The following DKK2 variants were observed in gnomAD, a reference collection of about 807,000 sequenced individuals.
DKK2 encodes dickkopf-related protein 2.
Under a neutral mutation model 28.1 loss-of-function variants are expected in DKK2, and 11 were observed. That is an observed-to-expected ratio of 0.39 (90% confidence interval 0.25 to 0.65). The LOEUF (loss-of-function observed/expected upper bound fraction) is 0.65, where lower values mean the gene tolerates loss of function less well. Ranked by LOEUF, DKK2 falls within the 30% of genes least tolerant of loss-of-function variation. The probability of loss-of-function intolerance (pLI) is 0.47; values close to 1 mark genes in which losing one functional copy is unlikely to be tolerated. For synonymous variants in DKK2, 135 were observed against 126.5 expected, an observed-to-expected ratio of 1.07 and a Z score of -0.45; for missense variants, 326 against 335.5, an observed-to-expected ratio of 0.97 and a Z score of 0.22.
intron 1 of DKK2, among the ~76,000 whole-genome samples, chr4:106,943,182 T>C (rs928063935): frequency 6.6e-5 from 10 of 152,134 alleles, no homozygotes; most frequent in Admixed American, 1.3e-4. Flanking sequence ...AAGCTTGATG[T>C]TCCATTTAAC....
intron 1 of DKK2, among the ~76,000 whole-genome samples, chr4:106,951,728 T>C (rs929313676): frequency 6.6e-6 from 1 of 152,154 alleles, no homozygotes; most frequent in Non-Finnish European, 1.5e-5. Context: ...AACTCTAACA[T>C]TTTATTTTTT....
intron 1 of DKK2, among the ~76,000 whole-genome samples, chr4:107,000,051 G>A (rs1723337376): frequency 1.3e-5 from 2 of 152,102 alleles, no homozygotes; most frequent in Admixed American, 1.3e-4. Context: ...GTAATGGGGT[G>A]ATAAAATAGA....
At chr4:106,954,317 T>C (rs1027386877) in intron 1 of DKK2, among the ~76,000 whole-genome samples, 1 of 152,194 alleles carries the variant, frequency 6.6e-6, no homozygotes. Context: ...TTGCTTCAGG[T>C]TCATTTTACC....
intron 1 of DKK2, among the ~76,000 whole-genome samples, chr4:106,938,759 C>G (rs574576198): frequency 2.2e-3 from 332 of 152,016 alleles, no homozygotes; most frequent in Middle Eastern, 0.01. Flanking sequence ...AAAGCTTATT[C>G]ACCATGATCA....
Position 107,023,859 on chromosome 4 carries a change from A to G in DKK2, c.222+11511T>C, listed in dbSNP as rs915082406. Among the ~76,000 whole-genome samples, 5 of 152,074 alleles carry G rather than the reference A, an allele frequency of 3.3e-5. No homozygotes were observed. The South Asian group carries it at 8.3e-4, about 25-fold the overall frequency. On this transcript the variant is annotated intron_variant, in intron 1 of 3. Transcript: ENST00000285311. ...GAATCACACTAGTTCTCTGAACACA[A>G]ATTTTGCCCTTATATTATTATATGT... is the stretch of plus-strand genomic sequence containing the variant.
At chr4:107,021,655 C>T (rs1723694519) in intron 1 of DKK2, among the ~76,000 whole-genome samples, 1 of 152,044 alleles carries the variant, frequency 6.6e-6, no homozygotes, top group Non-Finnish European at 1.5e-5. Flanking sequence ...CTTCTACTTC[C>T]CTGTGAGCCT....
intron 1 of DKK2, among the ~76,000 whole-genome samples, chr4:106,982,885 A>AG (rs1047302761): frequency 2.6e-4 from 40 of 151,136 alleles, no homozygotes; most frequent in African/African-American, 8.3e-4. Context: ...AAAAAAAAAA[A>AG]TCAATGGAGA....
At chr4:106,951,278 CA>C (rs1724854758) in intron 1 of DKK2, among the ~76,000 whole-genome samples, 1 of 151,874 alleles carries the variant, frequency 6.6e-6, no homozygotes, top group South Asian at 2.1e-4. Context: ...GAAGATTTCT[CA>C]AAAAACAACA....
intron 1 of DKK2, among the ~76,000 whole-genome samples, chr4:106,964,975 A>G (rs1722748019): frequency 6.9e-6 from 1 of 145,176 alleles, no homozygotes; most frequent in African/African-American, 2.5e-5. Context: ...ATAGATAGAT[A>G]GATAGATAGA....
chr4:106,954,526 CT>C lies in DKK2; in HGVS notation c.223-28578del, dbSNP rs913312348. Among the ~76,000 whole-genome samples the C allele has an allele frequency of 3.3e-5, 5 of 151,796 alleles. No homozygotes were observed. In the East Asian group the frequency reaches 9.7e-4, roughly 29 times the overall value. ...GATTTTAGAAATGTTCTTTTCTTTTCTTTTTTTTGTTTTGAGACGGAGTCTC... is the reference window on the plus strand; with the variant it reads ...GATTTTAGAAATGTTCTTTTCTTTTCTTTTTTTGTTTTGAGACGGAGTCTC... On this transcript the variant is annotated intron_variant, in intron 1 of 3. Coordinates refer to ENST00000285311, the MANE Select transcript of DKK2 (RefSeq NM_014421.3).
intron 1 of DKK2, among the ~76,000 whole-genome samples, chr4:107,034,455 A>G (rs1723929920): frequency 6.6e-6 from 1 of 152,096 alleles, no homozygotes; most frequent in East Asian, 1.9e-4. Context: ...GCCAGCCACA[A>G]CTGGTACCGA....
chr4:107,020,678 G>T (rs1320406772), intron 1 of DKK2, among the ~76,000 whole-genome samples: 1 of 152,044 alleles, frequency 6.6e-6, no homozygotes, highest in African/African-American at 2.4e-5. Context: ...ATCAAGCCAT[G>T]CACAGAAAGA....
chr4:106,927,681 A>G (rs1578344689), intron 1 of DKK2, among the ~76,000 whole-genome samples: 2 of 151,940 alleles, frequency 1.3e-5, no homozygotes, highest in African/African-American at 2.4e-5. Flanking sequence ...TGATGAAAAC[A>G]AAACAAATAT....
chr4:106,928,675 C>A (rs1724457836), intron 1 of DKK2, among the ~76,000 whole-genome samples: 1 of 152,074 alleles, frequency 6.6e-6, no homozygotes, highest in Non-Finnish European at 1.5e-5. Flanking sequence ...CAGATTTTTT[C>A]AACCGTAAAG....
At chr4:107,019,614 G>A (rs1723662913) in intron 1 of DKK2, among the ~76,000 whole-genome samples, 1 of 151,998 alleles carries the variant, frequency 6.6e-6, no homozygotes, top group African/African-American at 2.4e-5. Flanking sequence ...TACTAGAGTA[G>A]TATACTGATA....
intron 1 of DKK2, among the ~76,000 whole-genome samples, chr4:106,927,055 AT>A (rs1347788842): frequency 2.6e-5 from 4 of 152,052 alleles, no homozygotes; most frequent in African/African-American, 7.3e-5. Flanking sequence ...GTAATAGATG[AT>A]TTTTTAATTG....
intron 1 of DKK2, among the ~76,000 whole-genome samples, chr4:106,938,574 C>T (rs1345338547): frequency 2.0e-5 from 3 of 152,114 alleles, no homozygotes; most frequent in African/African-American, 4.8e-5. Flanking sequence ...CTATTCCAAT[C>T]AATAGAAAAA....
At chr4:106,933,960 ATGTGTGTG>A (rs138368758) in intron 1 of DKK2, among the ~76,000 whole-genome samples, 6 of 146,616 alleles carry the variant, frequency 4.1e-5, no homozygotes, top group South Asian at 4.4e-4. Context: ...TTTCCTGTAA[ATGTGTGTG>A]TGTGTGTGTG....
chr4:106,947,195 C>A (rs1724789968), intron 1 of DKK2, among the ~76,000 whole-genome samples: 1 of 151,966 alleles, frequency 6.6e-6, no homozygotes, highest in Non-Finnish European at 1.5e-5. Context: ...TAAAAATTTT[C>A]CAGGTATATG....
Sources: allele counts gnomAD v4.1 joint callset (sites outside exome capture counted in the v4.1 genomes callset), GRCh38; gene constraint gnomAD v4.1.1; transcripts MANE v1.5; gene names NCBI Gene and HGNC (gene_info 2026-07-23, HGNC 2026-07-21).